DOCK3: variants seen among roughly 807,000 people sequenced by gnomAD.
DOCK3 encodes dedicator of cytokinesis protein 3.
DOCK3 carries 60 observed loss-of-function variants against 265.6 expected under a neutral mutation model. The ratio of observed to expected loss-of-function variants is 0.23; its 90% confidence interval spans 0.18 to 0.28. DOCK3 has a LOEUF of 0.28. DOCK3 is among the 10% of genes least tolerant of loss of function. The pLI, the probability that DOCK3 is intolerant of heterozygous loss-of-function variation, is 1.00. For synonymous variants in DOCK3, 881 were observed against 938.0 expected, an observed-to-expected ratio of 0.94 and a Z score of 1.11; for missense variants, 1,981 against 2,594.3, an observed-to-expected ratio of 0.76 and a Z score of 5.14.
intron 2 of DOCK3, among the ~76,000 whole-genome samples, chr3:50,801,234 C>T (rs2043049809): frequency 6.6e-6 from 1 of 152,072 alleles, no homozygotes; most frequent in Non-Finnish European, 1.5e-5. Flanking sequence ...GCCCCTGCTG[C>T]TTGTTATTCC....
chr3:50,729,185 G>A (rs1380373779), intron 1 of DOCK3, among the ~76,000 whole-genome samples: 1 of 148,156 alleles, frequency 6.7e-6, no homozygotes, highest in Non-Finnish European at 1.5e-5. Flanking sequence ...GCCAGGTGTG[G>A]TGATGTGGTG....
chr3:51,330,364 G>C (rs776636806), intron 33 of DOCK3, 141 bp downstream of exon 33: 138 of 649,556 alleles, frequency 2.1e-4, no homozygotes, highest in Middle Eastern at 4.5e-4. Flanking sequence ...TGGTAGCAAT[G>C]CTCAACTTCT....
chr3:51,362,812 G>A, intron 49 of DOCK3, 138 bp downstream of exon 49: 1 of 1,288,934 alleles, frequency 7.8e-7, no homozygotes. Context: ...TTACCACTAA[G>A]GACTCGAGAG....
intron 5 of DOCK3, among the ~76,000 whole-genome samples, chr3:50,951,352 G>A (rs2076586909): frequency 6.6e-6 from 1 of 152,166 alleles, no homozygotes; most frequent in Admixed American, 6.5e-5. Flanking sequence ...TTCCCAGGAA[G>A]ATTCACTGTA....
At chr3:51,108,096 T>G (rs902944798) in intron 9 of DOCK3, among the ~76,000 whole-genome samples, 1 of 151,212 alleles carries the variant, frequency 6.6e-6, no homozygotes, top group Non-Finnish European at 1.5e-5. Context: ...TGGAGTGCAG[T>G]GTCATGATCT....
chr3:50,931,993 G>C (rs1320364414), intron 4 of DOCK3, among the ~76,000 whole-genome samples: 1 of 152,136 alleles, frequency 6.6e-6, no homozygotes, highest in African/African-American at 2.4e-5. Flanking sequence ...CTCCCACAAA[G>C]GTACTCTTGT....
chr3:51,070,569 T>C (rs1459652886), intron 6 of DOCK3, among the ~76,000 whole-genome samples: 1 of 152,218 alleles, frequency 6.6e-6, no homozygotes, highest in Non-Finnish European at 1.5e-5. Flanking sequence ...AGGTAGTAAT[T>C]ACTAATTATA....
chr3:51,276,856 T>G (rs2080845412), intron 25 of DOCK3, among the ~76,000 whole-genome samples: 1 of 152,178 alleles, frequency 6.6e-6, no homozygotes, highest in African/African-American at 2.4e-5. Context: ...ATAATTAAAA[T>G]CATGCTACAG....
chr3:50,888,827 G>T (rs935391246), intron 3 of DOCK3, among the ~76,000 whole-genome samples: 31 of 152,084 alleles, frequency 2.0e-4, no homozygotes, highest in Admixed American at 1.5e-3. Context: ...GCTGAAACTG[G>T]ATCCCTTTCT....
intron 5 of DOCK3, among the ~76,000 whole-genome samples, chr3:50,938,576 A>G (rs762803369): frequency 4.3e-4 from 66 of 152,270 alleles, no homozygotes; most frequent in South Asian, 1.7e-3. Context: ...TATTCTAACC[A>G]TAATGGAAAC....
intron 12 of DOCK3, among the ~76,000 whole-genome samples, chr3:51,172,158 T>G (rs986178423): frequency 1.4e-5 from 2 of 147,138 alleles, no homozygotes; most frequent in African/African-American, 2.6e-5. Context: ...CTTTTGGTTA[T>G]ATTTGAATGG....
At chr3:51,201,600 T>C (rs1239657665) in intron 12 of DOCK3, among the ~76,000 whole-genome samples, 1 of 152,110 alleles carries the variant, frequency 6.6e-6, no homozygotes, top group Non-Finnish European at 1.5e-5. Flanking sequence ...ACTGTCAACA[T>C]TAGACAGATC....
At chr3:51,265,286 A>G (rs2080102281) in intron 23 of DOCK3, among the ~76,000 whole-genome samples, 1 of 152,180 alleles carries the variant, frequency 6.6e-6, no homozygotes, top group Non-Finnish European at 1.5e-5. Flanking sequence ...AGAAGAGGTG[A>G]TACCATTCCT....
intron 7 of DOCK3, among the ~76,000 whole-genome samples, chr3:51,083,784 A>G (rs2082323258): frequency 6.6e-6 from 1 of 152,154 alleles, no homozygotes; most frequent in South Asian, 2.1e-4. Flanking sequence ...AGAGTTCGAG[A>G]CCAGCCTGAC....
intron 1 of DOCK3, among the ~76,000 whole-genome samples, chr3:50,699,403 G>A (rs1032457485): frequency 3.3e-5 from 5 of 150,806 alleles, no homozygotes; most frequent in Non-Finnish European, 7.4e-5. Context: ...TGGATTCCAT[G>A]TGTATTTTCA....
intron 1 of DOCK3, among the ~76,000 whole-genome samples, chr3:50,773,133 A>G (rs1235050037): frequency 6.6e-6 from 1 of 152,140 alleles, no homozygotes. Flanking sequence ...AAATAAGTCC[A>G]CAGTTACAGC....
At chr3:50,783,902 C>G (rs1308083575) in intron 2 of DOCK3, among the ~76,000 whole-genome samples, 1 of 146,914 alleles carries the variant, frequency 6.8e-6, no homozygotes, top group Non-Finnish European at 1.5e-5. Context: ...GAGTCTCGCT[C>G]TGTTTTCCAG....
intron 22 of DOCK3, among the ~76,000 whole-genome samples, chr3:51,247,049 C>A (rs866828128): frequency 5.3e-5 from 8 of 152,162 alleles, no homozygotes; most frequent in Non-Finnish European, 5.9e-5. Context: ...TGGCTATCCT[C>A]CCCTGCCTGA....
intron 5 of DOCK3, among the ~76,000 whole-genome samples, chr3:51,046,433 G>A (rs2109074488): frequency 6.6e-6 from 1 of 152,234 alleles, no homozygotes; most frequent in South Asian, 2.1e-4. Flanking sequence ...GAGAGCAAAG[G>A]TAGCTAGCTA....
Sources: allele counts gnomAD v4.1 joint callset (sites outside exome capture counted in the v4.1 genomes callset), GRCh38; gene constraint gnomAD v4.1.1; transcripts MANE v1.5; gene names NCBI Gene and HGNC (gene_info 2026-07-23, HGNC 2026-07-21).